The following TRHDE variants were observed in gnomAD, a reference collection of about 807,000 sequenced individuals.
The protein encoded by TRHDE is thyrotropin-releasing hormone-degrading ectoenzyme.
A neutral mutation model predicts 125.7 loss-of-function variants in TRHDE; 72 were observed. That is an observed-to-expected ratio of 0.57 (90% CI 0.47 to 0.70). TRHDE has a LOEUF of 0.70. TRHDE is among the 30% of genes least tolerant of loss of function. The pLI is 0.00. For synonymous variants in TRHDE, 509 were observed against 509.1 expected (o/e 1.00, Z 0.00); for missense variants, 1,110 against 1,327.1 (o/e 0.84, Z 2.54).
At chr12:72,592,913 A>G (rs960270296) in intron 12 of TRHDE, among the ~76,000 whole-genome samples, 1 of 152,060 alleles carries the variant, frequency 6.6e-6, no homozygotes. Flanking sequence ...CGGTTTTGCC[A>G]TGTTGGCCAG....
At chr12:72,155,247 G>T (rs1289109018) in intron 2 of TRHDE, among the ~76,000 whole-genome samples, 1 of 152,046 alleles carries the variant, frequency 6.6e-6, no homozygotes, top group Non-Finnish European at 1.5e-5. Flanking sequence ...AGCTCCATCA[G>T]GTCCTTTAAG....
chr12:72,486,393 A>G (rs779755933), intron 5 of TRHDE, among the ~76,000 whole-genome samples: 9 of 152,186 alleles, frequency 5.9e-5, no homozygotes, highest in Non-Finnish European at 1.2e-4. Flanking sequence ...CATGTCAGAC[A>G]TGACACCAAG....
rs372071195 is a variant in TRHDE at position 72,652,334 on chromosome 12, T to C, written c.2688T>C (p.Asn896=). Residue 896 remains asparagine, a synonymous_variant, in exon 16 of 19, where the codon AAT becomes AAC. Transcript: ENST00000261180. ...GTTGCTTCTTTAGAATACCACTAAA[T>C]GTTAGAGACATCGTATACTGTACAG... The part of the protein sequence containing the change: ...ISSNRNRIPL[N]VRDIVYCTGV... The C allele has an allele frequency of 1.4e-6, 2 of 1,471,902 alleles. No homozygotes were observed. Among genetic ancestry groups the C allele is most frequent in the African/African-American group, 1.4e-5 (1 of 69,672 alleles). The allele number at this position is 1,471,902 out of a possible 1,614,324, so 91.2% of individuals were successfully genotyped here.
chr12:72,258,461 C>T (rs371554300), intron 2 of TRHDE, among the ~76,000 whole-genome samples: 83 of 151,964 alleles, frequency 5.5e-4, no homozygotes, highest in African/African-American at 2.0e-3. Context: ...CATTAATGTC[C>T]CTTTCTTGGC....
chr12:72,459,177 C>T (rs1428891136), intron 3 of TRHDE, among the ~76,000 whole-genome samples: 3 of 152,160 alleles, frequency 2.0e-5, no homozygotes, highest in Non-Finnish European at 4.4e-5. Context: ...CTCAATCTGA[C>T]ACTGACTCTC....
chr12:72,339,971 A>G (rs1191408554), intron 2 of TRHDE, among the ~76,000 whole-genome samples: 1 of 152,166 alleles, frequency 6.6e-6, no homozygotes, highest in Non-Finnish European at 1.5e-5. Context: ...GATTTGTGAC[A>G]ACACTGAAGA....
chr12:72,523,624 C>G (rs1473195172), intron 6 of TRHDE, among the ~76,000 whole-genome samples: 1 of 152,156 alleles, frequency 6.6e-6, no homozygotes, highest in East Asian at 1.9e-4. Flanking sequence ...TTACCTTTAA[C>G]TCAGATATTG....
chr12:72,645,129 A>T (rs1008870902), intron 15 of TRHDE, among the ~76,000 whole-genome samples: 9 of 152,226 alleles, frequency 5.9e-5, no homozygotes, highest in African/African-American at 2.2e-4. Flanking sequence ...CAAAGGAACA[A>T]GATAAGTCTT....
At chr12:72,642,642 C>G (rs1349644732) in intron 15 of TRHDE, among the ~76,000 whole-genome samples, 1 of 152,114 alleles carries the variant, frequency 6.6e-6, no homozygotes, top group African/African-American at 2.4e-5. Flanking sequence ...AAAACAAACA[C>G]AGTTTTCCTT....
chr12:72,583,923 C>CTTTTTTTTTTTTTTTTTTTTT (rs1190363456), intron 12 of TRHDE, among the ~76,000 whole-genome samples: 1 of 60,486 alleles, frequency 1.7e-5, no homozygotes, highest in African/African-American at 1.3e-4. Flanking sequence ...GGATGACAAA[C>CTTTTTTTTTTTTTTTTTTTTT]TTTTTTTTTT....
chr12:72,316,291 T>G (rs988519630), intron 2 of TRHDE, among the ~76,000 whole-genome samples: 4 of 152,212 alleles, frequency 2.6e-5, no homozygotes, highest in African/African-American at 4.8e-5. Context: ...TTACTTATGC[T>G]GCCTCACCCT....
chr12:72,447,656 T>C (rs1278007052), intron 3 of TRHDE, among the ~76,000 whole-genome samples: 2 of 152,040 alleles, frequency 1.3e-5, no homozygotes, highest in African/African-American at 4.8e-5. Context: ...CGGGTATGAA[T>C]ACTATTTTTA....
At chr12:72,583,986 A>G (rs537908993) in intron 12 of TRHDE, among the ~76,000 whole-genome samples, 1 of 72,602 alleles carries the variant, frequency 1.4e-5, no homozygotes, top group Admixed American at 1.7e-4. Flanking sequence ...GCTGGAGTGC[A>G]GTGGCGCAAT....
intron 2 of TRHDE, among the ~76,000 whole-genome samples, chr12:72,295,604 C>T (rs11609294): frequency 0.66 from 100,814 of 151,958 alleles, 33,709 homozygotes; most frequent in East Asian, 0.83. Flanking sequence ...TACCCACATC[C>T]AGGAAAGTAC....
At chr12:72,095,755 C>T (rs922179057) in intron 1 of TRHDE, among the ~76,000 whole-genome samples, 1 of 152,168 alleles carries the variant, frequency 6.6e-6, no homozygotes, top group Non-Finnish European at 1.5e-5. Flanking sequence ...TGTTCCTATA[C>T]TCAGTGTGAT....
intron 2 of TRHDE, among the ~76,000 whole-genome samples, chr12:72,194,589 C>G (rs1038798307): frequency 1.3e-5 from 2 of 152,070 alleles, no homozygotes; most frequent in East Asian, 3.9e-4. Context: ...TCCATGAGTA[C>G]CCATTGTTTA....
At position 72,272,826 on chromosome 12, in the gene TRHDE, C is replaced by G; in HGVS notation, c.183C>G (p.Ser61=). Reference sequence around the variant, plus strand: ...TTCGGGCTGGCAGCAGGGGGCTCTCCGACCCGTGGGCAGACTCAGTGGGAG... The same window carrying G: ...TTCGGGCTGGCAGCAGGGGGCTCTCGGACCCGTGGGCAGACTCAGTGGGAG... ...AALRAGSRGL[S]DPWADSVGVR... The change falls in exon 1 of 19, where the codon TCC becomes TCG. Residue 61 remains serine (S), a synonymous_variant. Coordinates refer to ENST00000261180, the MANE Select transcript of TRHDE (RefSeq NM_013381.3). This position sits in a 1 kb window ranked among gnomAD's most constrained non-coding sequence, Gnocchi z 6.7. 6.3e-7 allele frequency: 1 copy of G among 1,577,042 alleles called. No homozygotes were observed. Among genetic ancestry groups the G allele is most frequent in the Non-Finnish European group, 8.6e-7 (1 of 1,166,894 alleles).
At chr12:72,319,648 C>T (rs894899142) in intron 2 of TRHDE, among the ~76,000 whole-genome samples, 4 of 152,014 alleles carry the variant, frequency 2.6e-5, no homozygotes, top group Non-Finnish European at 5.9e-5. Context: ...GTACTTGGAC[C>T]ACATTATTTT....
intron 3 of TRHDE, among the ~76,000 whole-genome samples, chr12:72,453,560 A>T (rs529577711): frequency 6.6e-6 from 1 of 152,334 alleles, no homozygotes; most frequent in African/African-American, 2.4e-5. Flanking sequence ...CTGACGGCTG[A>T]GCAACCACTT....
Sources: gnomAD v4.1 joint callset for allele counts (sites outside exome capture counted in the v4.1 genomes callset) on GRCh38, gnomAD v4.1.1 for gene constraint, Gnocchi (gnomAD v3.1) non-coding constraint, MANE v1.5 for transcripts, NCBI Gene and HGNC (gene_info 2026-07-23, HGNC 2026-07-21) for gene names.